The following GPAT4 variants were observed in gnomAD, a reference collection of about 807,000 sequenced individuals.
GPAT4 encodes glycerol-3-phosphate acyltransferase 4, also known as 1-AGP acyltransferase 6.
A neutral mutation model predicts 58.0 loss-of-function variants in GPAT4; 17 were observed. The observed-to-expected ratio is 0.29, with a 90% CI of 0.20 to 0.44. GPAT4 has a LOEUF of 0.44. Ranked by LOEUF, GPAT4 falls within the 20% of genes least tolerant of loss-of-function variation. The pLI, the probability that GPAT4 is intolerant of heterozygous loss-of-function variation, is 1.00. For synonymous variants in GPAT4, 204 were observed against 210.1 expected, an observed-to-expected ratio of 0.97 and a Z score of 0.25; for missense variants, 377 against 574.5, an observed-to-expected ratio of 0.66 and a Z score of 3.51.
At chr8:41,595,514 A>G (rs960736342) in intron 1 of GPAT4, among the ~76,000 whole-genome samples, 2 of 152,218 alleles carry the variant, frequency 1.3e-5, no homozygotes, top group East Asian at 1.9e-4. Flanking sequence ...TAGGAAGGCT[A>G]CAGGTTGTTA....
At chr8:41,615,652 A>T (rs546808272) in intron 10 of GPAT4, among the ~76,000 whole-genome samples, 2 of 152,252 alleles carry the variant, frequency 1.3e-5, no homozygotes, top group East Asian at 1.9e-4. Flanking sequence ...TCATCTGCAC[A>T]TTGTTCCTCC....
intron 1 of GPAT4, among the ~76,000 whole-genome samples, chr8:41,582,282 G>A (rs1246713067): frequency 6.6e-6 from 1 of 152,092 alleles, no homozygotes; most frequent in East Asian, 1.9e-4. Context: ...GGGATTACAG[G>A]CGTGAGACAC....
At chr8:41,608,312 C>T (rs894427654) in intron 2 of GPAT4, among the ~76,000 whole-genome samples, 1 of 152,238 alleles carries the variant, frequency 6.6e-6, no homozygotes, top group Non-Finnish European at 1.5e-5. Context: ...TGCCCTGGGC[C>T]ACGTGCATCT....
At chr8:41,589,360 C>T (rs1210980120) in intron 1 of GPAT4, among the ~76,000 whole-genome samples, 10 of 95,186 alleles carry the variant, frequency 1.1e-4, no homozygotes, top group African/African-American at 1.9e-4. Context: ...TGGGGTGTGG[C>T]GGGATGGGAT....
intron 1 of GPAT4, among the ~76,000 whole-genome samples, chr8:41,589,202 C>A (rs144436498): frequency 2.3e-3 from 347 of 152,350 alleles, no homozygotes; most frequent in African/African-American, 8.1e-3. Context: ...TTTCCAAACA[C>A]TACCGATTTG....
chr8:41,586,271 G>T (rs934749167), intron 1 of GPAT4, among the ~76,000 whole-genome samples: 2 of 152,150 alleles, frequency 1.3e-5, no homozygotes, highest in Admixed American at 6.5e-5. Context: ...ATGGCCAAAG[G>T]TTCCATTGTA....
intron 1 of GPAT4, among the ~76,000 whole-genome samples, chr8:41,596,892 G>T (rs867545088): frequency 6.6e-6 from 1 of 152,184 alleles, no homozygotes; most frequent in African/African-American, 2.4e-5. Flanking sequence ...AGCAATTCCT[G>T]TCCCTTTTAA....
chr8:41,615,739 A>G (rs1005472851), intron 10 of GPAT4, among the ~76,000 whole-genome samples: 4 of 152,200 alleles, frequency 2.6e-5, no homozygotes, highest in African/African-American at 9.6e-5. Context: ...CAGTGTGGTT[A>G]AAGTATTTAG....
intron 1 of GPAT4, among the ~76,000 whole-genome samples, chr8:41,589,147 G>C (rs1010111349): frequency 1.1e-4 from 17 of 152,204 alleles, no homozygotes; most frequent in African/African-American, 4.1e-4. Flanking sequence ...CTGTATTAAG[G>C]GGACCTTAAG....
At chr8:41,584,501 CAT>C (rs936806513) in intron 1 of GPAT4, among the ~76,000 whole-genome samples, 1 of 152,154 alleles carries the variant, frequency 6.6e-6, no homozygotes, top group African/African-American at 2.4e-5. Flanking sequence ...ACTGTTGACA[CAT>C]GCAGCAACAT....
At chr8:41,581,128 C>A (rs1037833315) in intron 1 of GPAT4, among the ~76,000 whole-genome samples, 8 of 152,218 alleles carry the variant, frequency 5.3e-5, no homozygotes, top group African/African-American at 1.7e-4. Context: ...GACGGAATAT[C>A]ATCCGTTCCA....
intron 4 of GPAT4, chr8:41,610,405 CG>C: frequency 8.0e-7 from 1 of 1,242,486 alleles, no homozygotes; most frequent in Non-Finnish European, 1.0e-6. Flanking sequence ...GTGCTTCCAC[CG>C]GGGTTTCCAG....
At chr8:41,612,728 G>T (rs1803479527) in intron 7 of GPAT4, 117 bp from the exon 8 acceptor site, 2 of 840,606 alleles carry the variant, frequency 2.4e-6, no homozygotes, top group South Asian at 3.8e-5. Flanking sequence ...CCTTCAGCCG[G>T]CAAGCGTTAG....
In GPAT4 at chr8:41,623,033, C is replaced by T. The variant is rs945190395; in HGVS notation, c.*2032C>T. ...TTGCATAGGTATTTATATATACACACACACACAGGTTTTGCTTTTGTCTCA... is the reference window on the plus strand; with the variant it reads ...TTGCATAGGTATTTATATATACACATACACACAGGTTTTGCTTTTGTCTCA... On this transcript the variant is annotated 3_prime_UTR_variant, in exon 13 of 13. Coordinates refer to ENST00000396987, the MANE Select transcript of GPAT4 (RefSeq NM_178819.4). 1.3e-5 allele frequency: 2 copies of T among 152,100 alleles called. No individual in the cohort carries two copies. The highest frequency in any genetic ancestry group is 4.8e-5 in the African/African-American group (2 of 41,444). The allele number at this position is 152,100 out of a possible 1,614,324, so 9.4% of individuals were successfully genotyped here. A position where few individuals can be genotyped will look rare whatever the true frequency, so the allele number is the denominator to read the frequency against.
At chr8:41,596,401 G>A (rs548921692) in intron 1 of GPAT4, among the ~76,000 whole-genome samples, 2 of 152,134 alleles carry the variant, frequency 1.3e-5, no homozygotes, top group Admixed American at 6.5e-5. Context: ...TCCAAGTTAA[G>A]TCAAAAACAA....
rs768188787 is a variant in GPAT4, at chr8:41,599,220, C to T, written c.81C>T (p.Leu27=). The T allele has an allele frequency of 1.9e-5, 30 of 1,613,974 alleles. No individual in the cohort carries two copies. Among genetic ancestry groups the T allele is most frequent in the African/African-American group, 8.0e-5 (6 of 74,920 alleles). Residue 27 remains leucine (L), a synonymous_variant, in exon 2 of 13, where the codon CTC becomes CTT. Transcript: ENST00000396987. ...ISLTVLFTLL[L]VFIIVPAIFG... ...TGACTGTCCTCTTCACCCTCCTTCT[C>T]GTTTTCATCATAGTGCCAGCCATTT... is the stretch of plus-strand genomic sequence containing the variant.
chr8:41,585,986 C>T (rs955870959), intron 1 of GPAT4, among the ~76,000 whole-genome samples: 4 of 152,174 alleles, frequency 2.6e-5, no homozygotes, highest in African/African-American at 7.2e-5. Flanking sequence ...ATACAATTCA[C>T]CTAATGAAAG....
intron 2 of GPAT4, among the ~76,000 whole-genome samples, chr8:41,600,297 C>T (rs1232143366): frequency 6.6e-6 from 1 of 152,162 alleles, no homozygotes; most frequent in African/African-American, 2.4e-5. Flanking sequence ...CCACCTCAGC[C>T]TCCCACAGTG....
In GPAT4 at chr8:41,600,036, C is replaced by CTTTTTTTTTTTTTTT. The variant is rs758905649; in HGVS notation, c.165+736_165+750dup. On this transcript the variant is annotated intron_variant, in intron 2 of 12. Transcript: ENST00000396987. ...TGTTCATATTTTATCTTTTTCTTTT[C>CTTTTTTTTTTTTTTT]TTTTTTTTTTTTTTTTTTCGAGACA... Among the ~76,000 whole-genome samples, 35 of 100,302 alleles carry CTTTTTTTTTTTTTTT rather than the reference C, an allele frequency of 3.5e-4. 2 individuals are homozygous for CTTTTTTTTTTTTTTT. The highest frequency in any genetic ancestry group is 8.8e-4 in the African/African-American group (22 of 24,948). The allele number at this position is 100,302 out of a possible 152,430, so 65.8% of individuals were successfully genotyped here.
Sources: allele counts gnomAD v4.1 joint callset (sites outside exome capture counted in the v4.1 genomes callset), GRCh38; gene constraint gnomAD v4.1.1; transcripts MANE v1.5; gene names NCBI Gene and HGNC (gene_info 2026-07-23, HGNC 2026-07-21).